Variants in MMP26 observed in about 807,000 individuals in gnomAD.
MMP26 encodes matrix metallopeptidase 26, also known as matrix metalloproteinase-26.
MMP26 carries 33 observed loss-of-function variants against 31.0 expected under a neutral mutation model. The ratio of observed to expected loss-of-function variants is 1.06; its 90% confidence interval spans 0.81 to 1.42. The LOEUF (loss-of-function observed/expected upper bound fraction) is 1.42, where lower values mean the gene tolerates loss of function less well. Among genes scored for constraint, MMP26 ranks in the 40% most tolerant of loss-of-function variants. The pLI is 0.00. For missense variants in MMP26, 347 were observed against 316.1 expected (o/e 1.10, Z -0.74); for synonymous variants, 122 against 114.9 (o/e 1.06, Z -0.40).
rs772539526 is a variant in MMP26 at position 4,923,465 on chromosome 11, A to G, written c.-144-64603A>G. 29 of 1,613,122 alleles carry G rather than the reference A, an allele frequency of 1.8e-5. No homozygotes were observed. Among genetic ancestry groups the G allele is most frequent in the African/African-American group, 1.3e-5 (1 of 74,874 alleles). On this transcript the variant is annotated intron_variant, in intron 2 of 7. Coordinates refer to ENST00000380390, the MANE Select transcript of MMP26 (RefSeq NM_021801.5). The stretch of plus-strand genomic sequence containing the variant: ...TTGCTTGGTCTTGATGCTGTAGATG[A>G]TGGGGTTCATAAGGGGTGGTACCAG...
intron 2 of MMP26, chr11:4,881,856 T>A (rs1292011693): frequency 1.3e-6 from 2 of 1,513,130 alleles, no homozygotes; most frequent in African/African-American, 1.4e-5. Flanking sequence ...ATAAAGAATC[T>A]TAATTATTTT....
chr11:4,755,660 G>A (rs1474665560), intron 1 of MMP26, among the ~76,000 whole-genome samples: 4 of 151,916 alleles, frequency 2.6e-5, no homozygotes, highest in African/African-American at 4.8e-5. Context: ...TTTCCCCTCC[G>A]ATTTTAAGCC....
chr11:4,923,840 C>G (rs568109165), intron 2 of MMP26: 2 of 1,613,810 alleles, frequency 1.2e-6, no homozygotes, highest in African/African-American at 2.7e-5. Flanking sequence ...GTATTGGAAG[C>G]GCTTCAGGAG....
chr11:4,858,582 C>T (rs1468458664), intron 2 of MMP26, among the ~76,000 whole-genome samples: 1 of 152,116 alleles, frequency 6.6e-6, no homozygotes, highest in African/African-American at 2.4e-5. Flanking sequence ...AGGACACAAA[C>T]AAATGGAAGA....
chr11:4,912,276 G>T (rs1297389043), intron 2 of MMP26, among the ~76,000 whole-genome samples: 10 of 91,316 alleles, frequency 1.1e-4, no homozygotes, highest in African/African-American at 3.5e-4. Flanking sequence ...AAAATAATTT[G>T]TCCAAGTCAC....
In MMP26 at chr11:4,882,908, A is replaced by G. The variant is rs182803429; in HGVS notation, c.-144-105160A>G. On this transcript the variant is annotated intron_variant, in intron 2 of 7. Transcript: ENST00000380390. ...AAGGTAGGAAATTGTCAGGACACGA[A>G]TTATGCTTTGGAAAGAAAGGGACTT... 38 of 1,578,522 alleles carry G rather than the reference A, an allele frequency of 2.4e-5. No individual in the cohort carries two copies. In the African/African-American group the frequency reaches 4.7e-4, roughly 20 times the overall value.
intron 2 of MMP26, among the ~76,000 whole-genome samples, chr11:4,962,454 G>C (rs1169822457): frequency 6.6e-6 from 1 of 152,106 alleles, no homozygotes; most frequent in African/African-American, 2.4e-5. Flanking sequence ...CTGATTAGAA[G>C]CGTGCTGGGT....
At chr11:4,740,458 C>T (rs907038033) in intron 1 of MMP26, among the ~76,000 whole-genome samples, 15 of 151,948 alleles carry the variant, frequency 9.9e-5, no homozygotes, top group East Asian at 3.9e-4. Flanking sequence ...CCAAGGCAGG[C>T]GGATCACAAG....
chr11:4,982,937 G>C (rs1846835569), intron 2 of MMP26, among the ~76,000 whole-genome samples: 1 of 152,130 alleles, frequency 6.6e-6, no homozygotes, highest in Admixed American at 6.5e-5. Flanking sequence ...AATCCATGTG[G>C]GTTAAGATCT....
At chr11:4,966,864 A>T (rs2133626817) in intron 2 of MMP26, among the ~76,000 whole-genome samples, 1 of 152,296 alleles carries the variant, frequency 6.6e-6, no homozygotes, top group African/African-American at 2.4e-5. Flanking sequence ...TAAAAGATTG[A>T]TAGTTGAAAC....
intron 2 of MMP26, among the ~76,000 whole-genome samples, chr11:4,986,953 CTCTCTCCCTCT>C (rs1564819794): frequency 3.5e-5 from 5 of 143,298 alleles, no homozygotes; most frequent in African/African-American, 1.3e-4. Context: ...CTCTCTCTCT[CTCTCTCCCTCT>C]CTCTCTCTCT....
At chr11:4,976,084 A>G (rs1368394415) in intron 2 of MMP26, among the ~76,000 whole-genome samples, 14 of 152,068 alleles carry the variant, frequency 9.2e-5, no homozygotes, top group Admixed American at 9.2e-4. Context: ...AAAAGATGTT[A>G]CTTTTAGAGA....
intron 2 of MMP26, among the ~76,000 whole-genome samples, chr11:4,902,446 G>T (rs1440580800): frequency 6.6e-6 from 1 of 152,090 alleles, no homozygotes; most frequent in Non-Finnish European, 1.5e-5. Flanking sequence ...CAGAGGACAC[G>T]ATTTTGTTCT....
chr11:4,928,560 T>C (rs1055649205), intron 2 of MMP26, among the ~76,000 whole-genome samples: 1 of 152,190 alleles, frequency 6.6e-6, no homozygotes, highest in African/African-American at 2.4e-5. Context: ...AATTAGTAGA[T>C]TGAGCATAAT....
At chr11:4,710,060 C>T (rs1225035383) in intron 1 of MMP26, 1 of 456,790 alleles carries the variant, frequency 2.2e-6, no homozygotes, top group South Asian at 1.5e-5. Context: ...TACTCCTGCT[C>T]CTTAAGCGCC....
intron 2 of MMP26, among the ~76,000 whole-genome samples, chr11:4,933,522 T>A (rs1292362058): frequency 6.9e-5 from 9 of 129,878 alleles, no homozygotes; most frequent in Non-Finnish European, 1.2e-4. Context: ...CCTGTTATTT[T>A]TTTTGTTTTT....
chr11:4,953,578 C>T (rs1379933536), intron 2 of MMP26, among the ~76,000 whole-genome samples: 1 of 125,136 alleles, frequency 8.0e-6, no homozygotes, highest in African/African-American at 2.7e-5. Flanking sequence ...AAAAGGAATG[C>T]CTTACACAAA....
intron 2 of MMP26, among the ~76,000 whole-genome samples, chr11:4,767,955 C>G (rs949077553): frequency 2.0e-5 from 3 of 152,126 alleles, no homozygotes; most frequent in Non-Finnish European, 4.4e-5. Context: ...AGTTCGTTTT[C>G]AGAAACCAAA....
chr11:4,956,495 G>T (rs1176297813), intron 2 of MMP26, among the ~76,000 whole-genome samples: 1 of 152,212 alleles, frequency 6.6e-6, no homozygotes. Flanking sequence ...AGGTATTAGA[G>T]AGACATGGTA....
Sources: gnomAD v4.1 joint callset for allele counts (sites outside exome capture counted in the v4.1 genomes callset) on GRCh38, gnomAD v4.1.1 for gene constraint, MANE v1.5 for transcripts, NCBI Gene and HGNC (gene_info 2026-07-23, HGNC 2026-07-21) for gene names.